Variants in NPSR1 observed in about 807,000 individuals in gnomAD.
NPSR1 encodes neuropeptide S receptor 1, also known as neuropeptide S receptor.
NPSR1 carries 48 observed loss-of-function variants against 46.9 expected under a neutral mutation model. The observed-to-expected ratio is 1.02, with a 90% CI of 0.81 to 1.30. The LOEUF (loss-of-function observed/expected upper bound fraction) is 1.30, where lower values mean the gene tolerates loss of function less well. NPSR1 is among the 50% of genes most tolerant of loss of function. NPSR1 has a pLI of 0.00. For missense variants in NPSR1, 450 were observed against 449.5 expected (o/e 1.00, Z -0.01); for synonymous variants, 176 against 168.1 (o/e 1.05, Z -0.36).
chr7:34,863,829 G>A (rs994249082), intron 8 of NPSR1, among the ~76,000 whole-genome samples: 2 of 151,658 alleles, frequency 1.3e-5, no homozygotes, highest in Non-Finnish European at 2.9e-5. Context: ...ATTCCTCAAG[G>A]ATCTAGAACC....
At chr7:34,786,475 C>T (rs1467981178) in intron 3 of NPSR1, among the ~76,000 whole-genome samples, 1 of 152,134 alleles carries the variant, frequency 6.6e-6, no homozygotes, top group Non-Finnish European at 1.5e-5. Flanking sequence ...TTCTACACTC[C>T]TGTAAATGTT....
chr7:34,842,819 G>A (rs1346083128), intron 6 of NPSR1, among the ~76,000 whole-genome samples: 2 of 152,322 alleles, frequency 1.3e-5, no homozygotes, highest in Non-Finnish European at 2.9e-5. Context: ...GCCTGCGGCC[G>A]CCTCAGGAGT....
chr7:34,767,748 C>CCAAATTTCCAA (rs1428965456), intron 2 of NPSR1, among the ~76,000 whole-genome samples: 3 of 152,182 alleles, frequency 2.0e-5, no homozygotes, highest in Admixed American at 6.5e-5. Context: ...AGCATCAAAT[C>CCAAATTTCCAA]ATAGATCCAA....
intron 3 of NPSR1, among the ~76,000 whole-genome samples, chr7:34,792,071 CA>C (rs1273795114): frequency 6.6e-6 from 1 of 151,996 alleles, no homozygotes; most frequent in Non-Finnish European, 1.5e-5. Flanking sequence ...CAACTCAAAA[CA>C]GATTAAAGAC....
At position 34,663,727 on chromosome 7, in the gene NPSR1, G is replaced by A. The variant is rs957904519; in HGVS notation, c.147+5168G>A. Among the ~76,000 whole-genome samples, 6 of 152,304 alleles carry A rather than the reference G, an allele frequency of 3.9e-5. No homozygotes were observed. In the South Asian group the frequency reaches 1.2e-3, roughly 32 times the overall value. On this transcript the variant is annotated intron_variant, in intron 1 of 8. Coordinates refer to ENST00000360581, the MANE Select transcript of NPSR1 (RefSeq NM_207172.2). ...CCCTCAGCGACCCCCCTGTCATGGGGAAATTGATGACACAGTGTTCTTCCG... is the reference window on the plus strand; with the variant it reads ...CCCTCAGCGACCCCCCTGTCATGGGAAAATTGATGACACAGTGTTCTTCCG...
intron 8 of NPSR1, among the ~76,000 whole-genome samples, chr7:34,855,581 G>T (rs1791032044): frequency 6.6e-6 from 1 of 152,012 alleles, no homozygotes; most frequent in Non-Finnish European, 1.5e-5. Context: ...TGTCTTCATT[G>T]GTGAGCTGTA....
At chr7:34,707,976 T>C (rs938920128) in intron 2 of NPSR1, among the ~76,000 whole-genome samples, 1 of 152,236 alleles carries the variant, frequency 6.6e-6, no homozygotes, top group Non-Finnish European at 1.5e-5. Context: ...CATGGCTTTT[T>C]TTCTGTCCAT....
intron 2 of NPSR1, among the ~76,000 whole-genome samples, chr7:34,765,197 C>T (rs1562711617): frequency 2.0e-5 from 3 of 152,112 alleles, no homozygotes; most frequent in African/African-American, 4.8e-5. Context: ...TGCATAAATA[C>T]TATGTATCTC....
In NPSR1 at chr7:34,869,142, C is replaced by T. The variant is rs561712655; in HGVS notation, c.1026-8934C>T. ...ACTGGCAGAACGAATGTCTACTCCA[C>T]GACAGGGCTGCCACAGTATGGTAGC... On this transcript the variant is annotated intron_variant, in intron 8 of 8. Coordinates refer to the NPSR1 transcript ENST00000359791. Among the ~76,000 whole-genome samples, 46 of 151,866 alleles carry T rather than the reference C, an allele frequency of 3.0e-4. 1 individual carries two copies. The highest frequency in any genetic ancestry group is 1.0e-3 in the African/African-American group (42 of 41,154).
chr7:34,735,845 A>G (rs11982905), intron 2 of NPSR1, among the ~76,000 whole-genome samples: 3,315 of 152,328 alleles, frequency 0.022, 109 homozygotes, highest in African/African-American at 0.075. Flanking sequence ...AATAGATGGT[A>G]AATCCACACA....
rs1460123623 is a variant in NPSR1 at position 34,857,939 on chromosome 7, G to T, written c.1025+9276G>T. ...GTTATCCAAATGGACAAAAAACTATGAAAAGGTGTTTAATCTCATTAAAAA... is the reference window on the plus strand; with the variant it reads ...GTTATCCAAATGGACAAAAAACTATTAAAAGGTGTTTAATCTCATTAAAAA... On this transcript the variant is annotated intron_variant, in intron 8 of 8. Coordinates refer to the NPSR1 transcript ENST00000359791. Among the ~76,000 whole-genome samples, 3 of 151,614 alleles carry T rather than the reference G, an allele frequency of 2.0e-5. No individual in the cohort carries two copies. In the East Asian group the frequency reaches 5.8e-4, roughly 29 times the overall value.
chr7:34,877,682 G>T (rs933721176), intron 8 of NPSR1, among the ~76,000 whole-genome samples: 1 of 152,176 alleles, frequency 6.6e-6, no homozygotes, highest in African/African-American at 2.4e-5. Context: ...GGAAGAACAT[G>T]TTGGTGCCCA....
chr7:34,848,788 G>A (rs988150884), intron 8 of NPSR1, 125 bp downstream of exon 8: 14 of 830,876 alleles, frequency 1.7e-5, no homozygotes, highest in African/African-American at 1.2e-4. Flanking sequence ...ATAGATGAGA[G>A]GCTTGAGAGT....
chr7:34,717,378 G>A (rs10155995), intron 2 of NPSR1, among the ~76,000 whole-genome samples: 2 of 152,082 alleles, frequency 1.3e-5, no homozygotes, highest in Non-Finnish European at 2.9e-5. Context: ...GTGATCTGCC[G>A]CCTCAGCCTC....
chr7:34,803,795 A>G (rs1237194097), intron 3 of NPSR1, among the ~76,000 whole-genome samples: 1 of 151,762 alleles, frequency 6.6e-6, no homozygotes, highest in Non-Finnish European at 1.5e-5. Flanking sequence ...AGTTACTAAT[A>G]TCAGAAATGA....
chr7:34,875,869 TTG>T (rs1791562595), intron 8 of NPSR1, among the ~76,000 whole-genome samples: 1 of 152,094 alleles, frequency 6.6e-6, no homozygotes, highest in Admixed American at 6.5e-5. Context: ...AGTCAAGGCA[TTG>T]TGTGTGCACC....
At chr7:34,834,597 C>G (rs17170017) in intron 6 of NPSR1, 137 bp downstream of exon 6, 173,427 of 669,182 alleles carry the variant, frequency 0.26, 23,751 homozygotes, top group East Asian at 0.43. Context: ...CAGACCAGAC[C>G]CACCAAAGGC....
intron 8 of NPSR1, 95 bp downstream of exon 8, chr7:34,848,758 G>C: frequency 1.8e-6 from 2 of 1,089,582 alleles, no homozygotes; most frequent in Non-Finnish European, 2.7e-6. Context: ...CTCTCCAGCA[G>C]GTTACAGGAT....
chr7:34,726,128 G>C (rs1257972602), intron 2 of NPSR1, among the ~76,000 whole-genome samples: 4 of 151,974 alleles, frequency 2.6e-5, no homozygotes, highest in African/African-American at 9.7e-5. Context: ...ATACAACTAT[G>C]GTACAAAATA....
Sources: gnomAD v4.1 joint callset for allele counts (sites outside exome capture counted in the v4.1 genomes callset) on GRCh38, gnomAD v4.1.1 for gene constraint, MANE v1.5 for transcripts, NCBI Gene and HGNC (gene_info 2026-07-23, HGNC 2026-07-21) for gene names.